The following SNHG17 variants were observed in gnomAD, a reference collection of about 807,000 sequenced individuals.
The protein encoded by SNHG17 is small nucleolar RNA host gene 17 (non-protein coding).
intron 2 of SNHG17, among the ~76,000 whole-genome samples, chr20:38,433,033 C>T (rs1360941448): frequency 2.0e-5 from 3 of 152,124 alleles, no homozygotes; most frequent in Non-Finnish European, 4.4e-5. Flanking sequence ...AGTGCAGGGG[C>T]ATGATCTTGG....
In SNHG17 at chr20:38,430,214, G is replaced by A. The variant is rs142905114; in HGVS notation, n.380+827C>T. Among the ~76,000 whole-genome samples the A allele has an allele frequency of 4.8e-3, 733 of 151,194 alleles. 8 individuals carry two copies. Among genetic ancestry groups the A allele is most frequent in the African/African-American group, 0.017 (705 of 41,136 alleles). ...CAGGCACCTGTAATCCCAGCTACTC[G>A]GGAGGATGAGGCAGGAGAATCATTT... On this transcript the variant is annotated intron_variant and non_coding_transcript_variant, in intron 3 of 8. Transcript: ENST00000654008.
intron 2 of SNHG17, among the ~76,000 whole-genome samples, chr20:38,433,232 T>C (rs971601523): frequency 6.6e-6 from 1 of 152,188 alleles, no homozygotes; most frequent in Admixed American, 6.6e-5. Context: ...CTCCTTGGCC[T>C]CTCAGAGTGC....
intron 3 of SNHG17, chr20:38,429,874 A>ACCTGT (rs2084314932): frequency 4.0e-6 from 2 of 494,424 alleles, no homozygotes; most frequent in Admixed American, 4.4e-5. Flanking sequence ...CTCACCTGGA[A>ACCTGT]CAGAACAGCT....
rs2084255142 is a variant in SNHG17, at chr20:38,426,790, G to A, written n.381-287C>T. Reference sequence around the variant, plus strand: ...ATGGTGGCCAGTGAGTGACACCAATGCACACCTCAGAGGGTCGAGAGAACA... The same window carrying A: ...ATGGTGGCCAGTGAGTGACACCAATACACACCTCAGAGGGTCGAGAGAACA... On this transcript the variant is annotated intron_variant and non_coding_transcript_variant, in intron 3 of 8. Transcript: ENST00000654008. Among the ~76,000 whole-genome samples the A allele has an allele frequency of 1.3e-5, 2 of 150,744 alleles. 1 individual carries two copies. The highest frequency in any genetic ancestry group is 4.9e-5 in the African/African-American group (2 of 40,984).
At chr20:38,428,860 C>G (rs1157773733) in intron 3 of SNHG17, 5 of 152,152 alleles carry the variant, frequency 3.3e-5, no homozygotes, top group African/African-American at 1.2e-4. Flanking sequence ...CCTCCCCATA[C>G]AAGGGAAATC....
intron 1 of SNHG17, chr20:38,434,841 G>A: frequency 3.0e-6 from 3 of 985,400 alleles, no homozygotes; most frequent in Non-Finnish European, 2.4e-6. Flanking sequence ...GCACTTTGTA[G>A]GCAACAGTCA....
At chr20:38,432,017 T>C (rs1243491059) in intron 2 of SNHG17, 1 of 985,306 alleles carries the variant, frequency 1.0e-6, no homozygotes, top group East Asian at 1.1e-4. Flanking sequence ...ATGGTCCACC[T>C]GCTTCCTGGC....
chr20:38,428,007 T>G (rs958633485), intron 3 of SNHG17: 3 of 152,174 alleles, frequency 2.0e-5, no homozygotes, highest in African/African-American at 7.2e-5. Context: ...ATGGGTTCCA[T>G]GTGATTTCTG....
At chr20:38,432,279 C>A in intron 2 of SNHG17, 1 of 492,460 alleles carries the variant, frequency 2.0e-6, no homozygotes, top group Non-Finnish European at 2.6e-6. Flanking sequence ...CAGCTTAAGT[C>A]TCATCTTATG....
chr20:38,433,727 C>T, intron 2 of SNHG17: 1 of 464,076 alleles, frequency 2.2e-6, no homozygotes, highest in South Asian at 1.6e-5. Context: ...GGTTTCACCA[C>T]CAATCCTGAG....
intron 3 of SNHG17, chr20:38,427,299 C>A (rs1281677757): frequency 6.0e-6 from 3 of 498,180 alleles, no homozygotes; most frequent in African/African-American, 2.0e-5. Context: ...GGCAGGAGAG[C>A]AACAGGAGTT....
intron 3 of SNHG17, chr20:38,429,172 G>C (rs545710246): frequency 6.5e-6 from 1 of 153,274 alleles, no homozygotes; most frequent in African/African-American, 2.4e-5. Context: ...GGGCTCAAGA[G>C]AGCCTCCTGC....
At chr20:38,434,738 A>G in intron 1 of SNHG17, 1 of 595,658 alleles carries the variant, frequency 1.7e-6, no homozygotes, top group Non-Finnish European at 2.1e-6. Context: ...ACCACAGCTA[A>G]CTGGTCTGTA....
intron 1 of SNHG17, chr20:38,434,829 T>C: frequency 5.1e-6 from 5 of 985,228 alleles, no homozygotes; most frequent in Non-Finnish European, 4.8e-6. Context: ...GCACAATGAC[T>C]GGCACTTTGT....
At chr20:38,433,160 G>A (rs532795889) in intron 2 of SNHG17, among the ~76,000 whole-genome samples, 23 of 151,992 alleles carry the variant, frequency 1.5e-4, no homozygotes, top group African/African-American at 5.6e-4. Context: ...TTTTTTAGTA[G>A]AGATGGGGTT....
intron 2 of SNHG17, chr20:38,433,835 G>A (rs2122734225): frequency 1.9e-6 from 1 of 519,202 alleles, no homozygotes; most frequent in Admixed American, 1.9e-5. Flanking sequence ...CCAAGTGCCA[G>A]GAGGCATTTG....
chr20:38,421,009 G>C (rs555816608), exon 7 of SNHG17: 1 of 152,198 alleles, frequency 6.6e-6, no homozygotes, highest in Non-Finnish European at 1.5e-5. Context: ...AACTCACCAC[G>C]GTGAGAAATA....
At chr20:38,429,957 T>C (rs992261071) in intron 3 of SNHG17, among the ~76,000 whole-genome samples, 2 of 152,164 alleles carry the variant, frequency 1.3e-5, no homozygotes, top group African/African-American at 4.8e-5. Context: ...CACTTACCAC[T>C]CCCTGCCAGA....
At chr20:38,424,119 G>A (rs534493805) in intron 5 of SNHG17, among the ~76,000 whole-genome samples, 10 of 151,398 alleles carry the variant, frequency 6.6e-5, no homozygotes, top group Non-Finnish European at 1.5e-4. Flanking sequence ...GCAGTGAGCC[G>A]TGTTTGCACC....
Sources: allele counts gnomAD v4.1 joint callset (sites outside exome capture counted in the v4.1 genomes callset), GRCh38; gene constraint gnomAD v4.1.1; transcripts MANE v1.5; gene names NCBI Gene and HGNC (gene_info 2026-07-23, HGNC 2026-07-21).